Variants in SGCE observed in about 807,000 individuals in gnomAD.
The protein encoded by SGCE is epsilon-sarcoglycan.
A neutral mutation model predicts 57.8 loss-of-function variants in SGCE; 26 were observed. That is an observed-to-expected ratio of 0.45 (90% CI 0.33 to 0.62). SGCE has a LOEUF of 0.62. SGCE is among the 20% of genes least tolerant of loss of function. The pLI, the probability that SGCE is intolerant of heterozygous loss-of-function variation, is 0.02. For missense variants in SGCE, 468 were observed against 548.6 expected, an observed-to-expected ratio of 0.85 and a Z score of 1.47; for synonymous variants, 183 against 189.5, an observed-to-expected ratio of 0.97 and a Z score of 0.28.
At chr7:94,619,243 A>C in intron 4 of SGCE, 2 of 278,786 alleles carry the variant, frequency 7.2e-6, no homozygotes, top group Admixed American at 4.9e-5. Context: ...GAAAAGCTAA[A>C]TCTACATTTT....
intron 10 of SGCE, chr7:94,586,837 C>T (rs1001788200): frequency 7.1e-6 from 7 of 985,200 alleles, no homozygotes; most frequent in East Asian, 1.1e-4. Context: ...GGCACAAACA[C>T]ACCAATCTTG....
intron 6 of SGCE, among the ~76,000 whole-genome samples, chr7:94,602,543 C>A (rs1336058458): frequency 6.7e-6 from 1 of 150,246 alleles, no homozygotes; most frequent in Non-Finnish European, 1.5e-5. Flanking sequence ...TCTAAAAGAT[C>A]ACTAAATAAT....
At chr7:94,633,864 G>T (rs1360494156) in intron 1 of SGCE, among the ~76,000 whole-genome samples, 1 of 152,106 alleles carries the variant, frequency 6.6e-6, no homozygotes, top group Non-Finnish European at 1.5e-5. Context: ...ATTCTTAATG[G>T]CATGTGCATA....
chr7:94,604,858 T>TATATATATATATAA (rs1491355835), intron 5 of SGCE, among the ~76,000 whole-genome samples: 4 of 75,224 alleles, frequency 5.3e-5, no homozygotes, highest in Non-Finnish European at 8.0e-5. Context: ...TATATATATA[T>TATATATATATATAA]AATAGTTGTT....
chr7:94,592,061 C>T (rs1797765678), intron 9 of SGCE, among the ~76,000 whole-genome samples: 1 of 152,136 alleles, frequency 6.6e-6, no homozygotes, highest in South Asian at 2.1e-4. Context: ...TTGGGTACAA[C>T]CTATCTCCTG....
intron 5 of SGCE, among the ~76,000 whole-genome samples, chr7:94,606,425 T>G (rs1412539271): frequency 1.3e-5 from 2 of 152,136 alleles, no homozygotes; most frequent in African/African-American, 4.8e-5. Flanking sequence ...TTTAAGAACA[T>G]AAATCACTCC....
At chr7:94,651,510 A>G (rs1807865193) in intron 1 of SGCE, among the ~76,000 whole-genome samples, 1 of 152,246 alleles carries the variant, frequency 6.6e-6, no homozygotes, top group African/African-American at 2.4e-5. Context: ...ATTAATCTGC[A>G]CACCACCTCA....
chr7:94,614,107 C>CAAAAAAA (rs925650428), intron 5 of SGCE, among the ~76,000 whole-genome samples: 13 of 94,944 alleles, frequency 1.4e-4, no homozygotes, highest in African/African-American at 1.9e-4. Context: ...AAATTGAAAT[C>CAAAAAAA]AAAAAAAAAA....
chr7:94,656,025 A>G lies in SGCE; in HGVS notation c.74T>C (p.Met25Thr). 6.2e-7 allele frequency: 1 copy of G among 1,612,954 alleles called. No individual in the cohort carries two copies. Among genetic ancestry groups the G allele is most frequent in the Non-Finnish European group, 8.5e-7 (1 of 1,179,190 alleles). The change falls in exon 1 of 11, where the codon ATG (methionine) becomes ACG (threonine). Residue 25 changes from methionine to threonine, a missense_variant. By Grantham distance (81) the Met-to-Thr change is moderately conservative (BLOSUM62 -1). Transcript: ENST00000648936. ...WTGQGRGTRR[M>T]SPATTGTFLL... ...GAATGTGCCAGTGGTCGCGGGGCTC[A>G]TCCTGCGTGTCCCCCGACCCTGTCC...
At chr7:94,647,071 G>C (rs539423906) in intron 1 of SGCE, among the ~76,000 whole-genome samples, 6 of 152,118 alleles carry the variant, frequency 3.9e-5, no homozygotes, top group Non-Finnish European at 7.4e-5. Flanking sequence ...TTTTCACTTA[G>C]AATATATCTT....
At chr7:94,606,254 C>T (rs947501262) in intron 5 of SGCE, among the ~76,000 whole-genome samples, 1 of 152,108 alleles carries the variant, frequency 6.6e-6, no homozygotes, top group African/African-American at 2.4e-5. Context: ...AATAGGAAGA[C>T]ACATATACAT....
intron 7 of SGCE, chr7:94,599,947 T>C (rs980276112): frequency 1.5e-5 from 6 of 401,976 alleles, no homozygotes; most frequent in Non-Finnish European, 2.7e-5. Context: ...AAAATGGAGA[T>C]TAAGAATCAA....
rs150797717 is a variant in SGCE at position 94,598,851 on chromosome 7, C to T, written c.1177G>A (p.Val393Met). 8.1e-6 allele frequency: 13 copies of T among 1,612,496 alleles called. No individual in the cohort carries two copies. In the African/African-American group the frequency reaches 1.5e-4, roughly 18 times the overall value. ...AAAGGAGGTATGATTTCCCCAGTCA[C>T]AGGGTGGAACACAGGAAGCGTTGAC... ...PLSTLPVFHP[V>M]TGEIIPPLHT... The change falls in exon 9 of 11, where the codon GTG becomes ATG. Residue 393 changes from valine (V) to methionine (M), a missense_variant. Physicochemically the swap from Val to Met is conservative, Grantham distance 21. Coordinates refer to ENST00000648936, the MANE Select transcript of SGCE (RefSeq NM_003919.3).
At chr7:94,625,845 C>T (rs774319890) in intron 3 of SGCE, 4 of 151,950 alleles carry the variant, frequency 2.6e-5, no homozygotes, top group Non-Finnish European at 5.9e-5. Flanking sequence ...ACAAATGTTG[C>T]TTGATGAGCA....
At chr7:94,617,398 C>T (rs1308462836) in intron 5 of SGCE, 1 of 152,188 alleles carries the variant, frequency 6.6e-6, no homozygotes, top group Non-Finnish European at 1.5e-5. Context: ...TGTTTTTGTG[C>T]TGTTTCCTCC....
At chr7:94,603,508 A>G in intron 5 of SGCE, 56 bp from the exon 6 acceptor site, 1 of 1,518,812 alleles carries the variant, frequency 6.6e-7, no homozygotes, top group Non-Finnish European at 9.1e-7. Context: ...AACACTAAAA[A>G]ACAATCCACC....
At chr7:94,651,810 A>G (rs1807908969) in intron 1 of SGCE, among the ~76,000 whole-genome samples, 2 of 152,186 alleles carry the variant, frequency 1.3e-5, no homozygotes, top group Non-Finnish European at 2.9e-5. Flanking sequence ...GAAGCAATCC[A>G]TGTGAAATAG....
intron 5 of SGCE, among the ~76,000 whole-genome samples, chr7:94,609,397 T>C (rs1210504043): frequency 6.6e-6 from 1 of 152,174 alleles, no homozygotes. Context: ...TAAGATGGCA[T>C]GCTTCTATAG....
intron 9 of SGCE, among the ~76,000 whole-genome samples, chr7:94,591,347 A>G (rs1797647050): frequency 6.6e-6 from 1 of 152,156 alleles, no homozygotes; most frequent in Non-Finnish European, 1.5e-5. Flanking sequence ...GGTCTATTCT[A>G]CACTCAAAAC....
Sources: allele counts gnomAD v4.1 joint callset (sites outside exome capture counted in the v4.1 genomes callset), GRCh38; gene constraint gnomAD v4.1.1; transcripts MANE v1.5; gene names NCBI Gene and HGNC (gene_info 2026-07-23, HGNC 2026-07-21).